RABGEF1: variants seen among roughly 807,000 people sequenced by gnomAD.
RABGEF1 encodes the protein RAB guanine nucleotide exchange factor 1, also known as rab5 GDP/GTP exchange factor.
In RABGEF1, 26 loss-of-function variants were observed where a neutral mutation model predicts 57.3. The observed-to-expected ratio is 0.45, with a 90% CI of 0.33 to 0.63. The LOEUF (loss-of-function observed/expected upper bound fraction) is 0.63, where lower values mean the gene tolerates loss of function less well. Ranked by LOEUF, RABGEF1 falls within the 20% of genes least tolerant of loss-of-function variation. The pLI is 0.02. For synonymous variants in RABGEF1, 185 were observed against 210.7 expected (o/e 0.88, Z 1.06); for missense variants, 464 against 607.6 (o/e 0.76, Z 2.48).
chr7:66,763,782 G>A (rs750718237), intron 1 of RABGEF1, among the ~76,000 whole-genome samples: 1 of 152,168 alleles, frequency 6.6e-6, no homozygotes, highest in Non-Finnish European at 1.5e-5. Context: ...CATGTTTTCA[G>A]GGTTCACCAT....
chr7:66,721,059 C>G (rs1447710376), intron 2 of RABGEF1, among the ~76,000 whole-genome samples: 8 of 152,058 alleles, frequency 5.3e-5, no homozygotes, highest in Non-Finnish European at 1.0e-4. Flanking sequence ...GCTAGGATCA[C>G]AGGCGCACGT....
chr7:66,707,380 T>C (rs1030596664), intron 1 of RABGEF1, among the ~76,000 whole-genome samples: 2 of 152,086 alleles, frequency 1.3e-5, no homozygotes, highest in South Asian at 4.1e-4. Flanking sequence ...TGATCTGATA[T>C]CTAGTTGTTC....
chr7:66,671,410 A>G, the RABGEF1 span, among the ~76,000 whole-genome samples: 16 of 152,200 alleles, frequency 1.1e-4, no homozygotes, highest in Admixed American at 3.3e-4. Flanking sequence ...AATCCCACAT[A>G]GGGGGGTAGT....
intron 1 of RABGEF1, among the ~76,000 whole-genome samples, chr7:66,761,138 C>T (rs1006332160): frequency 1.3e-5 from 2 of 152,182 alleles, no homozygotes; most frequent in Non-Finnish European, 2.9e-5. Context: ...ATCATCAACA[C>T]AGAAGACTTC....
chr7:66,690,586 A>ATGCC (rs1480491713), intron 1 of RABGEF1, among the ~76,000 whole-genome samples: 3 of 151,154 alleles, frequency 2.0e-5, no homozygotes, highest in African/African-American at 7.3e-5. Flanking sequence ...GTGGTGTTAC[A>ATGCC]TGCCTGTGGT....
chr7:66,779,806 C>T (rs186533116), intron 3 of RABGEF1, among the ~76,000 whole-genome samples: 2 of 152,186 alleles, frequency 1.3e-5, no homozygotes, highest in East Asian at 3.9e-4. Context: ...CCTACTTCTT[C>T]ACTTCTTTCA....
At chr7:66,748,047 A>C (rs1800635844) in intron 1 of RABGEF1, among the ~76,000 whole-genome samples, 1 of 152,194 alleles carries the variant, frequency 6.6e-6, no homozygotes, top group Non-Finnish European at 1.5e-5. Context: ...TTGAGTAGCC[A>C]ATTAAGAGAG....
At chr7:66,672,222 A>C in the RABGEF1 span, among the ~76,000 whole-genome samples, 6 of 151,340 alleles carry the variant, frequency 4.0e-5, no homozygotes, top group African/African-American at 9.7e-5. Context: ...AGAGATTGAG[A>C]CCATCCTGGC....
At chr7:66,766,286 A>G (rs1429081054) in intron 1 of RABGEF1, among the ~76,000 whole-genome samples, 1 of 151,048 alleles carries the variant, frequency 6.6e-6, no homozygotes, top group Non-Finnish European at 1.5e-5. Flanking sequence ...TCTAGCCTGA[A>G]TGACAGACCC....
intron 3 of RABGEF1, among the ~76,000 whole-genome samples, chr7:66,783,098 T>C (rs1810349988): frequency 6.6e-6 from 1 of 152,234 alleles, no homozygotes; most frequent in Admixed American, 6.5e-5. Context: ...TTGTATGCTT[T>C]GTTGTGTTTA....
chr7:66,785,460 C>A lies in RABGEF1; in HGVS notation c.513+1619C>A, dbSNP rs374231548. ...TTGGCCTTTGTCTGCAAGTTAATGT[C>A]CTTTCAAATAAATAAATAAACACTC... On this transcript the variant is annotated intron_variant, in intron 4 of 8. Coordinates refer to ENST00000284957, the MANE Select transcript of RABGEF1 (RefSeq NM_014504.3). 7.2e-5 allele frequency among the ~76,000 whole-genome samples: 11 copies of A among 152,274 alleles called. No individual in the cohort carries two copies. In the East Asian group the frequency reaches 2.1e-3, roughly 29 times the overall value.
intron 3 of RABGEF1, among the ~76,000 whole-genome samples, chr7:66,776,122 C>G (rs1367003038): frequency 6.6e-6 from 1 of 152,104 alleles, no homozygotes; most frequent in Non-Finnish European, 1.5e-5. Flanking sequence ...TGTTGGTACT[C>G]AGAGTTATGC....
intron 1 of RABGEF1, among the ~76,000 whole-genome samples, chr7:66,706,173 A>G (rs1232909279): frequency 6.6e-6 from 1 of 151,692 alleles, no homozygotes; most frequent in Non-Finnish European, 1.5e-5. Context: ...AAGTCCTGGG[A>G]TTATAGACAT....
intron 1 of RABGEF1, among the ~76,000 whole-genome samples, chr7:66,700,980 G>T (rs752074196): frequency 9.9e-5 from 15 of 152,188 alleles, no homozygotes; most frequent in Admixed American, 2.0e-4. Flanking sequence ...GGTGGGCAGC[G>T]CTGTCTTGCA....
intron 1 of RABGEF1, among the ~76,000 whole-genome samples, chr7:66,756,386 T>C (rs941906167): frequency 2.6e-5 from 4 of 152,212 alleles, no homozygotes; most frequent in African/African-American, 9.7e-5. Flanking sequence ...TATGTCAGAA[T>C]TTTAAATGCA....
intron 1 of RABGEF1, among the ~76,000 whole-genome samples, chr7:66,758,688 C>A (rs113689161): frequency 0.022 from 3,338 of 151,900 alleles, 57 homozygotes; most frequent in Middle Eastern, 0.041. Flanking sequence ...GGTGTGCCGA[C>A]TCTCCTGCCT....
intron 1 of RABGEF1, among the ~76,000 whole-genome samples, chr7:66,699,624 G>C (rs927639967): frequency 2.0e-5 from 3 of 151,884 alleles, no homozygotes; most frequent in Admixed American, 2.0e-4. Context: ...CCTGGGAAGA[G>C]GAGGTTTTGG....
intron 7 of RABGEF1, among the ~76,000 whole-genome samples, chr7:66,800,335 ACTGCCTCTACAACGGCAAGAGGGT>A (rs1332287960): frequency 2.6e-5 from 4 of 152,286 alleles, no homozygotes; most frequent in Non-Finnish European, 4.4e-5. Context: ...GGGCTATCTT[ACTGCCTCTACAACGGCAAGAGGGT>A]CTGCTCCAGG....
At chr7:66,673,564 A>G in the RABGEF1 span, among the ~76,000 whole-genome samples, 1 of 151,016 alleles carries the variant, frequency 6.6e-6, no homozygotes, top group African/African-American at 2.4e-5. Context: ...ATTACATGGG[A>G]TAACCCATGA....
Sources: allele counts gnomAD v4.1 joint callset (sites outside exome capture counted in the v4.1 genomes callset), GRCh38; gene constraint gnomAD v4.1.1; transcripts MANE v1.5; gene names NCBI Gene and HGNC (gene_info 2026-07-23, HGNC 2026-07-21).